DOCK3: variants seen among roughly 807,000 people sequenced by gnomAD.
DOCK3 encodes the protein dedicator of cytokinesis 3.
A neutral mutation model predicts 265.6 loss-of-function variants in DOCK3; 60 were observed. The ratio of observed to expected loss-of-function variants is 0.23; its 90% CI spans 0.18 to 0.28. The LOEUF is 0.28. Ranked by LOEUF, DOCK3 falls within the 10% of genes least tolerant of loss-of-function variation. The pLI is 1.00. For synonymous variants in DOCK3, 881 were observed against 938.0 expected (o/e 0.94, Z 1.11); for missense variants, 1,981 against 2,594.3 (o/e 0.76, Z 5.14).
At chr3:51,156,351 G>A (rs2085850717) in intron 10 of DOCK3, among the ~76,000 whole-genome samples, 1 of 152,158 alleles carries the variant, frequency 6.6e-6, no homozygotes, top group African/African-American at 2.4e-5. Context: ...TAGAGAGTTT[G>A]GTCCAGTGAA....
chr3:50,928,266 C>G (rs2108108528), intron 4 of DOCK3, among the ~76,000 whole-genome samples: 1 of 151,966 alleles, frequency 6.6e-6, no homozygotes, highest in East Asian at 1.9e-4. Flanking sequence ...TTCATTATCG[C>G]CAAAAGAATC....
intron 13 of DOCK3, among the ~76,000 whole-genome samples, chr3:51,212,514 A>G (rs2089569726): frequency 6.8e-6 from 1 of 147,616 alleles, no homozygotes; most frequent in Non-Finnish European, 1.5e-5. Flanking sequence ...TATTTGCTTC[A>G]TGTTGGGCTG....
chr3:50,681,581 C>T (rs1050010560), intron 1 of DOCK3, among the ~76,000 whole-genome samples: 11 of 152,102 alleles, frequency 7.2e-5, no homozygotes, highest in African/African-American at 2.7e-4. Context: ...CATAAAGGCT[C>T]TTAAAACCTT....
intron 4 of DOCK3, among the ~76,000 whole-genome samples, chr3:50,911,473 G>T (rs6446237): frequency 1.3e-5 from 2 of 152,048 alleles, no homozygotes; most frequent in Non-Finnish European, 2.9e-5. Context: ...CTTCATATGT[G>T]TGGATTTATT....
intron 27 of DOCK3, among the ~76,000 whole-genome samples, chr3:51,281,750 T>G (rs1280784965): frequency 6.6e-6 from 1 of 152,184 alleles, no homozygotes; most frequent in African/African-American, 2.4e-5. Flanking sequence ...TAGGCAGGGC[T>G]TTCTCTAGCA....
In DOCK3 at chr3:50,781,571, G is replaced by C. The variant is rs139733826; in HGVS notation, c.121+2813G>C. 1.5e-3 allele frequency among the ~76,000 whole-genome samples: 233 copies of C among 152,220 alleles called. 2 individuals carry two copies. Among genetic ancestry groups the C allele is most frequent in the East Asian group, 7.9e-3 (41 of 5,190 alleles). The stretch of plus-strand genomic sequence containing the variant: ...TTAGAGGCATGATCTAGCACACTCA[G>C]CTATATAGTAGTTCTATTTGTAGTA... On this transcript the variant is annotated intron_variant, in intron 2 of 52. Coordinates refer to ENST00000266037, the MANE Select transcript of DOCK3 (RefSeq NM_004947.5).
intron 12 of DOCK3, among the ~76,000 whole-genome samples, chr3:51,171,067 A>G (rs2107629591): frequency 6.7e-6 from 1 of 150,164 alleles, no homozygotes; most frequent in African/African-American, 2.5e-5. Flanking sequence ...CCTAACTTTC[A>G]TTATTTTCTT....
chr3:51,356,773 C>T (rs998288515), intron 43 of DOCK3, among the ~76,000 whole-genome samples, 189 bp from the exon 44 acceptor site: 1 of 152,172 alleles, frequency 6.6e-6, no homozygotes, highest in Admixed American at 6.5e-5. Flanking sequence ...AACTAGTGTT[C>T]TTCACTATTT....
Position 51,269,059 on chromosome 3 carries a change from C to T in DOCK3, c.2356-1756C>T, listed in dbSNP as rs377489117. On this transcript the variant is annotated intron_variant, in intron 23 of 52. Coordinates refer to ENST00000266037, the MANE Select transcript of DOCK3 (RefSeq NM_004947.5). ...ACCTGTGTGAGAATCAGACCTTCTT[C>T]TTTGGTGCAAGGCTCATGTTTCCTG... Among the ~76,000 whole-genome samples the T allele has an allele frequency of 6.0e-5, 9 of 151,156 alleles. No individual in the cohort carries two copies. The East Asian group carries it at 1.8e-3, about 29-fold the overall frequency.
chr3:51,001,995 T>C (rs1187765897), intron 5 of DOCK3, among the ~76,000 whole-genome samples: 8 of 152,182 alleles, frequency 5.3e-5, no homozygotes, highest in African/African-American at 1.9e-4. Context: ...TTATAGGGAT[T>C]GCATTGAATC....
intron 2 of DOCK3, among the ~76,000 whole-genome samples, chr3:50,789,421 CATGTACTG>C (rs1404433847): frequency 2.6e-5 from 4 of 152,074 alleles, no homozygotes; most frequent in Non-Finnish European, 5.9e-5. Flanking sequence ...GAGAATGTTC[CATGTACTG>C]ATGATTAGAA....
At chr3:51,159,579 G>T (rs2086033096) in intron 11 of DOCK3, among the ~76,000 whole-genome samples, 1 of 152,026 alleles carries the variant, frequency 6.6e-6, no homozygotes, top group South Asian at 2.1e-4. Context: ...ATTTAAAATG[G>T]TCTACTTCTA....
chr3:50,983,680 T>G (rs1161919290), intron 5 of DOCK3, among the ~76,000 whole-genome samples: 4 of 152,136 alleles, frequency 2.6e-5, no homozygotes. Context: ...AAAGATTCCC[T>G]TTGTCTTGCT....
intron 22 of DOCK3, among the ~76,000 whole-genome samples, chr3:51,257,317 A>C (rs1011911606): frequency 6.6e-6 from 1 of 152,142 alleles, no homozygotes; most frequent in Admixed American, 6.5e-5. Flanking sequence ...CTGGCCTGAT[A>C]CTTCTCATTC....
intron 12 of DOCK3, among the ~76,000 whole-genome samples, chr3:51,174,480 A>C (rs2086842984): frequency 7.0e-6 from 1 of 143,688 alleles, no homozygotes; most frequent in Non-Finnish European, 1.5e-5. Context: ...AAAAATAAAT[A>C]AATAAATAAA....
intron 9 of DOCK3, among the ~76,000 whole-genome samples, chr3:51,134,479 C>G (rs1051154274): frequency 1.3e-5 from 2 of 152,154 alleles, no homozygotes; most frequent in African/African-American, 4.8e-5. Context: ...ATTCAAGTTT[C>G]TGCTTGTTCT....
intron 12 of DOCK3, among the ~76,000 whole-genome samples, chr3:51,169,703 A>G (rs1252947689): frequency 6.6e-6 from 1 of 152,066 alleles, no homozygotes; most frequent in African/African-American, 2.4e-5. Context: ...GTTTACCTAT[A>G]TAGCAAATCT....
At chr3:51,336,230 G>A (rs2084859958) in intron 35 of DOCK3, among the ~76,000 whole-genome samples, 1 of 152,082 alleles carries the variant, frequency 6.6e-6, no homozygotes, top group Admixed American at 6.5e-5. Context: ...TTATATCAAT[G>A]TCTTTAACTT....
intron 32 of DOCK3, among the ~76,000 whole-genome samples, chr3:51,317,187 C>A (rs1387333363): frequency 4.0e-5 from 6 of 150,732 alleles, no homozygotes; most frequent in African/African-American, 1.5e-4. Context: ...AACAAGATGT[C>A]CAATTATTCC....
Sources: gnomAD v4.1 joint callset for allele counts (sites outside exome capture counted in the v4.1 genomes callset) on GRCh38, gnomAD v4.1.1 for gene constraint, MANE v1.5 for transcripts, NCBI Gene and HGNC (gene_info 2026-07-23, HGNC 2026-07-21) for gene names.